NEO1: variants seen among roughly 807,000 people sequenced by gnomAD.
NEO1 encodes neogenin 1, also known as neogenin.
A neutral mutation model predicts 159.7 loss-of-function variants in NEO1; 63 were observed. The ratio of observed to expected loss-of-function variants is 0.39; its 90% CI spans 0.32 to 0.49. The LOEUF is 0.49. Among genes scored for constraint, NEO1 ranks in the 20% least tolerant of loss-of-function variants. The pLI is 0.85. For missense variants in NEO1, 1,615 were observed against 1,831.0 expected (o/e 0.88, Z 2.15); for synonymous variants, 633 against 662.0 (o/e 0.96, Z 0.67).
At position 73,283,118 on chromosome 15, in the gene NEO1, A is replaced by G; in HGVS notation, c.3410+7A>G. 1 of 1,614,094 alleles carries G rather than the reference A, an allele frequency of 6.2e-7. No individual in the cohort carries two copies. The highest frequency in any genetic ancestry group is 1.1e-5 in the South Asian group (1 of 91,068). ...CCACCTCTCACCAGAAAAAGTAAGAAGCCCCAGATGCACCCCTTAGATTTT... is the reference window on the plus strand; with the variant it reads ...CCACCTCTCACCAGAAAAAGTAAGAGGCCCCAGATGCACCCCTTAGATTTT... On this transcript the variant is annotated splice_region_variant and intron_variant, in intron 23 of 28. Coordinates refer to ENST00000261908, the MANE Select transcript of NEO1 (RefSeq NM_002499.4).
At chr15:73,071,113 A>G (rs942145200) in intron 1 of NEO1, among the ~76,000 whole-genome samples, 1 of 151,940 alleles carries the variant, frequency 6.6e-6, no homozygotes, top group Non-Finnish European at 1.5e-5. Context: ...ACACCTGGCT[A>G]ATTTTAAAAA....
At position 73,241,111 on chromosome 15, in the gene NEO1, T is replaced by C. The variant is rs982960314; in HGVS notation, c.1452-3233T>C. Among the ~76,000 whole-genome samples the C allele has an allele frequency of 3.3e-5, 5 of 152,204 alleles. No individual in the cohort carries two copies. The East Asian group carries it at 5.8e-4, about 18-fold the overall frequency. On this transcript the variant is annotated intron_variant, in intron 8 of 28. Transcript: ENST00000261908. ...CCTTGGTCATGAGCTGTAATTCTTA[T>C]GGGTACCTGAGTTGCCAGAGATTTC...
chr15:73,163,283 T>G (rs1187413537), intron 5 of NEO1, among the ~76,000 whole-genome samples: 1 of 152,212 alleles, frequency 6.6e-6, no homozygotes, highest in African/African-American at 2.4e-5. Context: ...TTTTGGCTTT[T>G]ATTTTTCTTT....
In NEO1 at chr15:73,254,912, C is replaced by A. The variant is rs2040265537; in HGVS notation, c.2092+83C>A. ...ATGCTAGTCTAATGACTGCTCTGAA[C>A]TGTCGACTTATACAAACAAATTTAA... On this transcript the variant is annotated intron_variant, in intron 13 of 28. Transcript: ENST00000261908. 20 of 1,427,044 alleles carry A rather than the reference C, an allele frequency of 1.4e-5. No individual in the cohort carries two copies. The South Asian group carries it at 2.6e-4, about 19-fold the overall frequency. 88.4% of individuals were successfully genotyped at this position (1,427,044 alleles called of 1,614,324 possible). A position where few individuals can be genotyped will look rare whatever the true frequency, so the allele number is the denominator to read the frequency against.
At chr15:73,126,240 G>C (rs897438912) in intron 3 of NEO1, among the ~76,000 whole-genome samples, 177 bp from the exon 4 acceptor site, 1 of 152,104 alleles carries the variant, frequency 6.6e-6, no homozygotes, top group African/African-American at 2.4e-5. Context: ...GCTTTGTCGT[G>C]TGTGTATGTG....
intron 1 of NEO1, among the ~76,000 whole-genome samples, chr15:73,059,592 G>A (rs921262362): frequency 6.6e-6 from 1 of 152,142 alleles, no homozygotes; most frequent in Non-Finnish European, 1.5e-5. Flanking sequence ...TAATGGTGGA[G>A]GTAAGGGAGA....
chr15:73,129,723 T>C lies in NEO1; in HGVS notation c.878+3153T>C, dbSNP rs569764041. Among the ~76,000 whole-genome samples the C allele has an allele frequency of 5.6e-4, 85 of 152,326 alleles. 1 individual carries two copies. Among genetic ancestry groups the C allele is most frequent in the African/African-American group, 2.0e-3 (83 of 41,580 alleles). On this transcript the variant is annotated intron_variant, in intron 4 of 28. Transcript: ENST00000261908. ...TTATCTTTTAATGGAATGATAGATC[T>C]GAACCCCACTGCAAGGGAACAGGTT...
intron 1 of NEO1, among the ~76,000 whole-genome samples, chr15:73,082,519 A>C (rs1261935822): frequency 6.6e-6 from 1 of 152,150 alleles, no homozygotes; most frequent in East Asian, 1.9e-4. Context: ...CACAGAAAAA[A>C]CAGTAATATG....
chr15:73,100,412 G>GCAC (rs2070336676), intron 1 of NEO1, among the ~76,000 whole-genome samples: 1 of 150,130 alleles, frequency 6.7e-6, no homozygotes, highest in African/African-American at 2.5e-5. Context: ...TCTACTCACT[G>GCAC]CACCCTGTGC....
intron 5 of NEO1, among the ~76,000 whole-genome samples, chr15:73,174,789 A>G (rs565977612): frequency 1.3e-5 from 2 of 152,236 alleles, no homozygotes; most frequent in African/African-American, 2.4e-5. Flanking sequence ...GCATATTTAT[A>G]TACATAATTC....
chr15:73,138,597 A>G (rs1596116077), intron 5 of NEO1, among the ~76,000 whole-genome samples: 1 of 152,270 alleles, frequency 6.6e-6, no homozygotes, highest in South Asian at 2.1e-4. Context: ...TCTACTAAAA[A>G]TACAAAAAAA....
Position 73,176,534 on chromosome 15 carries a change from C to A in NEO1, c.1147C>A (p.Pro383Thr). 6.2e-7 allele frequency: 1 copy of A among 1,605,010 alleles called. No homozygotes were observed. Among genetic ancestry groups the A allele is most frequent in the South Asian group, 1.1e-5 (1 of 89,022 alleles). ...GGTCAAAAATGGGGATATGGTTATC[C>A]CAAGTGATTATTTTAAGATTGTAGT... is the stretch of plus-strand genomic sequence containing the variant. The part of the protein sequence containing the change: ...KWVKNGDMVI[P>T]SDYFKIVKEH... Residue 383 changes from proline (P) to threonine (T), a missense_variant, in exon 6 of 29, where the codon CCA becomes ACA. Physicochemically the swap from Pro to Thr is conservative, Grantham distance 38. Coordinates refer to ENST00000261908, the MANE Select transcript of NEO1 (RefSeq NM_002499.4).
intron 1 of NEO1, among the ~76,000 whole-genome samples, chr15:73,096,108 C>T (rs936870973): frequency 1.3e-5 from 2 of 152,062 alleles, no homozygotes; most frequent in Admixed American, 1.3e-4. Context: ...GACAAAACAG[C>T]GTTGAAGATG....
intron 5 of NEO1, among the ~76,000 whole-genome samples, chr15:73,152,991 C>T (rs2033498244): frequency 6.6e-6 from 1 of 152,126 alleles, no homozygotes; most frequent in Non-Finnish European, 1.5e-5. Context: ...GTCCCATGTT[C>T]TGCTGTTTCT....
chr15:73,184,064 T>C lies in NEO1; in HGVS notation c.1291+5637T>C, dbSNP rs912134331. On this transcript the variant is annotated intron_variant, in intron 7 of 28. Transcript: ENST00000261908. Reference sequence around the variant, plus strand: ...GAGAAACTAATCATTAGAACTAATTTCAGCCTTTGTGACTTCTATGCAATA... The same window carrying C: ...GAGAAACTAATCATTAGAACTAATTCCAGCCTTTGTGACTTCTATGCAATA... Among the ~76,000 whole-genome samples, 24 of 152,326 alleles carry C rather than the reference T, an allele frequency of 1.6e-4. 1 individual carries two copies. The East Asian group carries it at 4.6e-3, about 29-fold the overall frequency.
chr15:73,278,325 G>T (rs2041513229), intron 22 of NEO1, 126 bp downstream of exon 22: 6 of 742,340 alleles, frequency 8.1e-6, no homozygotes, highest in South Asian at 4.7e-5. Context: ...TTCTTTTATT[G>T]CTAGATTTAA....
intron 25 of NEO1, among the ~76,000 whole-genome samples, chr15:73,289,904 C>T (rs148766237): frequency 1.1e-4 from 17 of 152,178 alleles, no homozygotes; most frequent in African/African-American, 2.6e-4. Context: ...GAGCCAAAAT[C>T]GTGCTGTTGC....
intron 4 of NEO1, among the ~76,000 whole-genome samples, chr15:73,133,890 G>A (rs987248975): frequency 6.6e-6 from 1 of 151,970 alleles, no homozygotes; most frequent in African/African-American, 2.4e-5. Flanking sequence ...TATGCTACTG[G>A]TACTCACATA....
At position 73,052,742 on chromosome 15, in the gene NEO1, C is replaced by A; in HGVS notation, c.67C>A (p.Leu23Met). The A allele has an allele frequency of 7.6e-7, 1 of 1,308,390 alleles. No individual in the cohort carries two copies. The highest frequency in any genetic ancestry group is 9.8e-7 in the Non-Finnish European group (1 of 1,022,040). 81.0% of individuals were successfully genotyped at this position (1,308,390 alleles called of 1,614,324 possible). A position where few individuals can be genotyped will look rare whatever the true frequency, so the allele number is the denominator to read the frequency against. ...CTCCTTCTGGCTCTACTGCCTGCTGCTGCTCGGGCGCCGGGCGCCGGGCGC... is the reference window on the plus strand; with the variant it reads ...CTCCTTCTGGCTCTACTGCCTGCTGATGCTCGGGCGCCGGGCGCCGGGCGC... ...TPSFWLYCLL[L>M]LGRRAPGAAA... is the part of the protein sequence containing the mutation. The change falls in exon 1 of 29, where the codon CTG becomes ATG. Residue 23 changes from leucine (L) to methionine (M), a missense_variant. Physicochemically the swap from Leu to Met is conservative, Grantham distance 15. Transcript: ENST00000261908.
Sources: gnomAD v4.1 joint callset for allele counts (sites outside exome capture counted in the v4.1 genomes callset) on GRCh38, gnomAD v4.1.1 for gene constraint, MANE v1.5 for transcripts, NCBI Gene and HGNC (gene_info 2026-07-23, HGNC 2026-07-21) for gene names.